Variants in TPX2 observed in about 807,000 individuals in gnomAD.
TPX2 encodes the protein targeting protein for Xklp2.
A neutral mutation model predicts 93.6 loss-of-function variants in TPX2; 21 were observed. That is an observed-to-expected ratio of 0.22 (90% CI 0.16 to 0.32). The LOEUF (loss-of-function observed/expected upper bound fraction) is 0.32. Ranked by LOEUF, TPX2 falls within the 10% of genes least tolerant of loss-of-function variation. The pLI is 1.00. For missense variants in TPX2, 776 were observed against 871.1 expected (o/e 0.89, Z 1.37); for synonymous variants, 281 against 298.3 (o/e 0.94, Z 0.60).
At chr20:31,798,028 C>A (rs2062148712) in intron 16 of TPX2, among the ~76,000 whole-genome samples, 1 of 152,140 alleles carries the variant, frequency 6.6e-6, no homozygotes. Flanking sequence ...AAGACCCCAT[C>A]TCTTTTTCAA....
At chr20:31,763,391 G>T (rs2061902442) in intron 4 of TPX2, among the ~76,000 whole-genome samples, 1 of 152,054 alleles carries the variant, frequency 6.6e-6, no homozygotes, top group Non-Finnish European at 1.5e-5. Flanking sequence ...TTTTGGCCAG[G>T]CTGGTCTCGA....
At chr20:31,800,790 A>G (rs1037553486) in intron 17 of TPX2, among the ~76,000 whole-genome samples, 180 bp from the exon 18 acceptor site, 5 of 152,212 alleles carry the variant, frequency 3.3e-5, no homozygotes, top group African/African-American at 1.2e-4. Context: ...TTGGGCTCCA[A>G]AGCACATACA....
At chr20:31,739,664 CAT>C (rs1351541704) in intron 1 of TPX2, 43 bp downstream of exon 1, 1 of 152,226 alleles carries the variant, frequency 6.6e-6, no homozygotes, top group Non-Finnish European at 1.5e-5. Context: ...AGGTTATAAA[CAT>C]TGACTGAACT....
chr20:31,782,086 A>T (rs970112510), intron 10 of TPX2, among the ~76,000 whole-genome samples, 163 bp from the exon 11 acceptor site: 1 of 152,204 alleles, frequency 6.6e-6, no homozygotes. Flanking sequence ...GGGGAGAAGT[A>T]ACTGAATGTT....
chr20:31,750,262 A>G (rs1489372455), intron 2 of TPX2, among the ~76,000 whole-genome samples: 2 of 151,896 alleles, frequency 1.3e-5, no homozygotes, highest in Admixed American at 6.6e-5. Flanking sequence ...GGTTCAAGCA[A>G]TTCTCCTGCC....
At chr20:31,773,451 C>T (rs1470762720) in intron 7 of TPX2, among the ~76,000 whole-genome samples, 1 of 150,036 alleles carries the variant, frequency 6.7e-6, no homozygotes, top group East Asian at 2.0e-4. Context: ...ATGCCTGGCC[C>T]CGGCTAATTT....
Position 31,770,332 on chromosome 20 carries a change from C to T in TPX2, c.357-11C>T. 4 of 1,530,342 alleles carry T rather than the reference C, an allele frequency of 2.6e-6. No individual in the cohort carries two copies. Among genetic ancestry groups the T allele is most frequent in the Non-Finnish European group, 3.5e-6 (4 of 1,143,462 alleles). The allele number at this position is 1,530,342 out of a possible 1,614,324, so 94.8% of individuals were successfully genotyped here. On this transcript the variant is annotated splice_polypyrimidine_tract_variant and intron_variant, in intron 5 of 17. Coordinates refer to ENST00000300403, the MANE Select transcript of TPX2 (RefSeq NM_012112.5). ...TATTTATTATATATTTTGTCAATTT[C>T]TCTACCATAGAAGATCTCTTAGGCT...
intron 12 of TPX2, among the ~76,000 whole-genome samples, chr20:31,786,539 G>A (rs2062068235): frequency 6.6e-6 from 1 of 151,964 alleles, no homozygotes; most frequent in East Asian, 1.9e-4. Flanking sequence ...GAGTAGCTGG[G>A]AATACAGGCA....
At position 31,766,481 on chromosome 20, in the gene TPX2, G is replaced by GTA. The variant is rs1427207722; in HGVS notation, c.230-74_230-73insAT. Reference sequence around the variant, plus strand: ...TGTGTGTGTGTGTGTGTGTGTGTGTGTGTGTGTGTGTGTGTCTCATCTCCA... The same window carrying GTA: ...TGTGTGTGTGTGTGTGTGTGTGTGTGTATGTGTGTGTGTGTGTCTCATCTCCA... On this transcript the variant is annotated intron_variant, in intron 4 of 17. Transcript: ENST00000300403. 8.2e-6 allele frequency: 11 copies of GTA among 1,345,836 alleles called. No individual in the cohort carries two copies. The South Asian group carries it at 1.0e-4, about 13-fold the overall frequency. The allele number at this position is 1,345,836 out of a possible 1,614,324, so 83.4% of individuals were successfully genotyped here.
At chr20:31,783,645 TTGTG>T in intron 11 of TPX2, 56 bp from the exon 12 acceptor site, 1 of 1,495,618 alleles carries the variant, frequency 6.7e-7, no homozygotes, top group Non-Finnish European at 9.1e-7. Flanking sequence ...CTTACTTTGT[TTGTG>T]AAGTTTTCAT....
At chr20:31,774,370 A>T (rs2061982714) in intron 7 of TPX2, among the ~76,000 whole-genome samples, 1 of 152,290 alleles carries the variant, frequency 6.6e-6, no homozygotes, top group South Asian at 2.1e-4. Flanking sequence ...CTACTATTGT[A>T]AACATTTTTC....
chr20:31,768,825 A>ATGTGAAATGTGAAATTTCACAT (rs1308487700), intron 5 of TPX2, among the ~76,000 whole-genome samples: 1 of 152,060 alleles, frequency 6.6e-6, no homozygotes, highest in Non-Finnish European at 1.5e-5. Flanking sequence ...CAAATGGCCG[A>ATGTGAAATGTGAAATTTCACAT]TACACATGTG....
At chr20:31,752,611 T>C (rs2122965443) in intron 2 of TPX2, among the ~76,000 whole-genome samples, 1 of 152,328 alleles carries the variant, frequency 6.6e-6, no homozygotes, top group South Asian at 2.1e-4. Flanking sequence ...GGACTACATC[T>C]ACTTTTTTTT....
intron 10 of TPX2, 82 bp from the exon 11 acceptor site, chr20:31,782,167 C>T: frequency 4.0e-6 from 6 of 1,513,258 alleles, no homozygotes; most frequent in Non-Finnish European, 5.3e-6. Flanking sequence ...TTATCCCTCT[C>T]TGGGCTACAT....
At chr20:31,800,776 C>G (rs754229998) in intron 17 of TPX2, among the ~76,000 whole-genome samples, 194 bp from the exon 18 acceptor site, 1 of 152,188 alleles carries the variant, frequency 6.6e-6, no homozygotes, top group Non-Finnish European at 1.5e-5. Flanking sequence ...GAATAGAAAC[C>G]CTTTTGGGCT....
chr20:31,798,208 T>C (rs1406296275), intron 16 of TPX2, among the ~76,000 whole-genome samples, 157 bp from the exon 17 acceptor site: 1 of 152,164 alleles, frequency 6.6e-6, no homozygotes, highest in Admixed American at 6.5e-5. Flanking sequence ...TCTAAAACTT[T>C]TTGTATTTAG....
In TPX2 at chr20:31,797,578, G is replaced by A. The variant is rs1478602293; in HGVS notation, c.1945+63G>A. The A allele has an allele frequency of 2.3e-5, 32 of 1,402,570 alleles. No homozygotes were observed. In the East Asian group the frequency reaches 7.1e-4, roughly 31 times the overall value. The allele number at this position is 1,402,570 out of a possible 1,614,324, so 86.9% of individuals were successfully genotyped here. ...TTGTCAGACTTCCCAGTGGGATGCT[G>A]GAATTCAGTGTGTCAGTACAATGCT... On this transcript the variant is annotated intron_variant, in intron 16 of 17. Coordinates refer to ENST00000300403, the MANE Select transcript of TPX2 (RefSeq NM_012112.5).
chr20:31,764,730 C>T (rs1280830358), intron 4 of TPX2, among the ~76,000 whole-genome samples: 4 of 151,996 alleles, frequency 2.6e-5, no homozygotes, highest in African/African-American at 7.3e-5. Context: ...TTTGTGTGTG[C>T]GTGTGAGTCT....
chr20:31,786,409 T>TTTTTTG (rs371477945), intron 12 of TPX2, among the ~76,000 whole-genome samples: 7 of 146,990 alleles, frequency 4.8e-5, no homozygotes, highest in African/African-American at 1.5e-4. Context: ...TGTTTTTTTT[T>TTTTTTG]TTTTTTGAGA....
Sources: gnomAD v4.1 joint callset for allele counts (sites outside exome capture counted in the v4.1 genomes callset) on GRCh38, gnomAD v4.1.1 for gene constraint, MANE v1.5 for transcripts, NCBI Gene and HGNC (gene_info 2026-07-23, HGNC 2026-07-21) for gene names.